Variants in RHOU observed in about 807,000 individuals in gnomAD.
RHOU encodes ras homolog family member U.
In RHOU, 8 loss-of-function variants were observed where a neutral mutation model predicts 12.6. That is an observed-to-expected ratio of 0.64 (90% CI 0.37 to 1.15). The LOEUF is 1.15. Ranked by LOEUF, RHOU falls within the 50% of genes most tolerant of loss-of-function variation. The pLI is 0.01. For synonymous variants in RHOU, 161 were observed against 147.4 expected, an observed-to-expected ratio of 1.09 and a Z score of -0.67; for missense variants, 258 against 347.0, an observed-to-expected ratio of 0.74 and a Z score of 2.04.
the RHOU span, among the ~76,000 whole-genome samples, chr1:228,722,098 A>G: frequency 6.6e-6 from 1 of 152,238 alleles, no homozygotes; most frequent in Non-Finnish European, 1.5e-5. Flanking sequence ...TTTACTGGCC[A>G]CACTGTAAAC....
At chr1:228,666,135 T>G in the RHOU span, among the ~76,000 whole-genome samples, 3 of 152,044 alleles carry the variant, frequency 2.0e-5, no homozygotes, top group Non-Finnish European at 4.4e-5. Flanking sequence ...TTTTTTTGTA[T>G]TTTTAGTAGA....
chr1:228,705,015 T>C, the RHOU span, among the ~76,000 whole-genome samples: 1 of 152,090 alleles, frequency 6.6e-6, no homozygotes, highest in African/African-American at 2.4e-5. Context: ...TAGGCCAGGC[T>C]GGTCTTGAAC....
chr1:228,674,078 T>C, the RHOU span, among the ~76,000 whole-genome samples: 1 of 152,236 alleles, frequency 6.6e-6, no homozygotes, highest in Admixed American at 6.5e-5. Flanking sequence ...GGAACTATAG[T>C]GGAAGTGTTG....
the RHOU span, among the ~76,000 whole-genome samples, chr1:228,663,631 T>C: frequency 7.6e-5 from 10 of 131,252 alleles, no homozygotes; most frequent in East Asian, 6.5e-4. Flanking sequence ...TTTTCTTTTT[T>C]TTTTTTTTTT....
chr1:228,666,111 C>A, the RHOU span, among the ~76,000 whole-genome samples: 1 of 151,972 alleles, frequency 6.6e-6, no homozygotes, highest in Non-Finnish European at 1.5e-5. Context: ...GCGTGCACCA[C>A]CATGCCTGGC....
the RHOU span, among the ~76,000 whole-genome samples, chr1:228,673,187 T>C: frequency 6.6e-6 from 1 of 152,236 alleles, no homozygotes; most frequent in Non-Finnish European, 1.5e-5. Flanking sequence ...AAGCCCCATC[T>C]GATCACTTTT....
In RHOU at chr1:228,745,604, G is replaced by A. The variant is rs1662815752; in HGVS notation, c.*1864G>A. 2.6e-5 allele frequency: 4 copies of A among 152,308 alleles called. No homozygotes were observed. In the East Asian group the frequency reaches 7.7e-4, roughly 29 times the overall value. 9.4% of individuals were successfully genotyped at this position (152,308 alleles called of 1,614,324 possible). On this transcript the variant is annotated 3_prime_UTR_variant, in exon 3 of 3. Transcript: ENST00000366691. ...ATTGATTATTCAACACATTGGAATT[G>A]ATGTCGGTCATAGTTTCCTGAAGCA... is the stretch of plus-strand genomic sequence containing the variant.
the RHOU span, among the ~76,000 whole-genome samples, chr1:228,704,378 A>G: frequency 6.6e-6 from 1 of 152,202 alleles, no homozygotes; most frequent in Admixed American, 6.5e-5. Flanking sequence ...CCTGTCTCAG[A>G]TATTTGGGGT....
At chr1:228,672,176 C>T in the RHOU span, among the ~76,000 whole-genome samples, 4 of 152,142 alleles carry the variant, frequency 2.6e-5, no homozygotes, top group Admixed American at 1.3e-4. Context: ...TACACACATA[C>T]ATGTTTTTGA....
the RHOU span, among the ~76,000 whole-genome samples, chr1:228,667,417 G>C: frequency 6.6e-6 from 1 of 152,202 alleles, no homozygotes; most frequent in Admixed American, 6.5e-5. Context: ...ACTTAGACAC[G>C]AGGAGGCAGA....
At chr1:228,717,650 C>G in the RHOU span, among the ~76,000 whole-genome samples, 1 of 152,232 alleles carries the variant, frequency 6.6e-6, no homozygotes, top group Non-Finnish European at 1.5e-5. Context: ...GAGGCATGCT[C>G]TCTGACATCT....
At chr1:228,648,858 C>CTCTT in the RHOU span, among the ~76,000 whole-genome samples, 1,738 of 150,514 alleles carry the variant, frequency 0.012, 25 homozygotes, top group Middle Eastern at 0.035. Context: ...CTTCCTCTCT[C>CTCTT]TCTTTCTTTC....
At chr1:228,741,069 A>G (rs141676183) in intron 2 of RHOU, among the ~76,000 whole-genome samples, 99 of 152,116 alleles carry the variant, frequency 6.5e-4, no homozygotes, top group African/African-American at 2.3e-3. Context: ...TTTGACCCAT[A>G]AAGTACTTGG....
At chr1:228,723,455 T>C in the RHOU span, among the ~76,000 whole-genome samples, 2 of 152,192 alleles carry the variant, frequency 1.3e-5, no homozygotes, top group Admixed American at 1.3e-4. Flanking sequence ...CCTAGTCTTT[T>C]AATATGCAAA....
At position 228,743,850 on chromosome 1, in the gene RHOU, A is replaced by G. The variant is rs1251721219; in HGVS notation, c.*110A>G. 9 of 896,698 alleles carry G rather than the reference A, an allele frequency of 1.0e-5. No individual in the cohort carries two copies. The East Asian group carries it at 1.6e-4, about 16-fold the overall frequency. The allele number at this position is 896,698 out of a possible 1,614,324, so 55.5% of individuals were successfully genotyped here. A position where few individuals can be genotyped will look rare whatever the true frequency, so the allele number is the denominator to read the frequency against. On this transcript the variant is annotated 3_prime_UTR_variant, in exon 3 of 3. Transcript: ENST00000366691. This position sits in a 1 kb window ranked among gnomAD's most constrained non-coding sequence, Gnocchi z 5.1. ...TAGAACCTATATCGAGAGTGTGTGT[A>G]TATGTATTATAGGAGGAGCTCTCAA... is the stretch of plus-strand genomic sequence containing the variant.
the RHOU span, among the ~76,000 whole-genome samples, chr1:228,720,639 C>T: frequency 3.9e-5 from 6 of 152,078 alleles, no homozygotes; most frequent in African/African-American, 1.4e-4. Flanking sequence ...CCAGCCCTGC[C>T]GAAATACTGA....
chr1:228,716,544 A>G, the RHOU span, among the ~76,000 whole-genome samples: 1 of 152,168 alleles, frequency 6.6e-6, no homozygotes, highest in Admixed American at 6.5e-5. Flanking sequence ...TTATAGTTTA[A>G]TATCGTCTGC....
At chr1:228,684,695 A>AC in the RHOU span, among the ~76,000 whole-genome samples, 1 of 152,002 alleles carries the variant, frequency 6.6e-6, no homozygotes, top group Non-Finnish European at 1.5e-5. Context: ...TTTTGCAGCC[A>AC]CCCCCATAAG....
At chr1:228,664,290 G>A in the RHOU span, among the ~76,000 whole-genome samples, 75 of 151,858 alleles carry the variant, frequency 4.9e-4, no homozygotes, top group Admixed American at 9.8e-4. Context: ...GGGATTACAG[G>A]TGTGAGCCGC....
Sources: gnomAD v4.1 joint callset for allele counts (sites outside exome capture counted in the v4.1 genomes callset) on GRCh38, gnomAD v4.1.1 for gene constraint, Gnocchi (gnomAD v3.1) non-coding constraint, MANE v1.5 for transcripts, NCBI Gene and HGNC (gene_info 2026-07-23, HGNC 2026-07-21) for gene names.